The following ERBB4 variants were observed in gnomAD, a reference collection of about 807,000 sequenced individuals.
ERBB4 encodes the protein receptor tyrosine-protein kinase erbB-4.
A neutral mutation model predicts 158.0 loss-of-function variants in ERBB4; 42 were observed. That is an observed-to-expected ratio of 0.27 (90% CI 0.21 to 0.34). The LOEUF (loss-of-function observed/expected upper bound fraction) is 0.34. Among genes scored for constraint, ERBB4 ranks in the 10% least tolerant of loss-of-function variants. The pLI is 1.00. For synonymous variants in ERBB4, 583 were observed against 558.7 expected (o/e 1.04, Z -0.61); for missense variants, 1,333 against 1,624.1 (o/e 0.82, Z 3.08).
At chr2:211,640,351 G>A (rs1387087799) in intron 16 of ERBB4, among the ~76,000 whole-genome samples, 1 of 152,124 alleles carries the variant, frequency 6.6e-6, no homozygotes, top group Non-Finnish European at 1.5e-5. Flanking sequence ...TTTGAATGAA[G>A]TGAGATGGGA....
intron 20 of ERBB4, among the ~76,000 whole-genome samples, chr2:211,475,440 C>T (rs1001147967): frequency 1.3e-5 from 2 of 152,014 alleles, no homozygotes; most frequent in African/African-American, 4.8e-5. Context: ...TATTAACATA[C>T]ACCATAAGAA....
chr2:212,239,237 C>T (rs2083993528), intron 1 of ERBB4, among the ~76,000 whole-genome samples: 1 of 152,080 alleles, frequency 6.6e-6, no homozygotes, highest in Admixed American at 6.5e-5. Flanking sequence ...AAGGCAGGAT[C>T]TTGCTATGTT....
chr2:212,365,570 AATT>A (rs2089857924), intron 1 of ERBB4, among the ~76,000 whole-genome samples: 1 of 151,838 alleles, frequency 6.6e-6, no homozygotes, highest in East Asian at 1.9e-4. Context: ...TTTCAAGCCT[AATT>A]TTAATAAAAA....
intron 1 of ERBB4, among the ~76,000 whole-genome samples, chr2:212,330,336 G>A (rs147072267): frequency 2.0e-5 from 3 of 152,162 alleles, no homozygotes; most frequent in African/African-American, 7.2e-5. Flanking sequence ...AAGATTAGGG[G>A]GCTAGCCGTG....
intron 1 of ERBB4, among the ~76,000 whole-genome samples, chr2:212,529,317 G>T (rs753480283): frequency 6.6e-6 from 1 of 152,102 alleles, no homozygotes; most frequent in African/African-American, 2.4e-5. Flanking sequence ...TTTAAAAGTG[G>T]TATCCACATT....
chr2:211,606,084 G>A (rs931430619), intron 19 of ERBB4, among the ~76,000 whole-genome samples: 17 of 151,854 alleles, frequency 1.1e-4, no homozygotes, highest in Admixed American at 2.0e-4. Flanking sequence ...CACAGATGAT[G>A]GTAAATTTCT....
chr2:212,442,338 G>T (rs1287598221), intron 1 of ERBB4, among the ~76,000 whole-genome samples: 4 of 152,136 alleles, frequency 2.6e-5, no homozygotes, highest in African/African-American at 9.7e-5. Flanking sequence ...CTTGAATGAA[G>T]GGGAGGCTGG....
At chr2:211,701,363 T>C (rs1033528524) in intron 12 of ERBB4, among the ~76,000 whole-genome samples, 4 of 152,044 alleles carry the variant, frequency 2.6e-5, no homozygotes, top group Non-Finnish European at 5.9e-5. Flanking sequence ...CACAAATTGA[T>C]TGGATCCTTG....
At chr2:211,895,550 T>G (rs766122967) in intron 3 of ERBB4, among the ~76,000 whole-genome samples, 1 of 152,160 alleles carries the variant, frequency 6.6e-6, no homozygotes, top group Non-Finnish European at 1.5e-5. Context: ...ACAGCCACCA[T>G]GCCCAGCCTC....
At chr2:212,236,950 T>C (rs1193862909) in intron 1 of ERBB4, among the ~76,000 whole-genome samples, 1 of 152,126 alleles carries the variant, frequency 6.6e-6, no homozygotes. Flanking sequence ...GAAGGGTTTT[T>C]CATGTCTCTA....
intron 2 of ERBB4, among the ~76,000 whole-genome samples, chr2:212,112,478 G>A (rs184237947): frequency 1.3e-5 from 2 of 151,030 alleles, no homozygotes; most frequent in African/African-American, 4.9e-5. Flanking sequence ...TCCCTTCCTT[G>A]TACTGATTTT....
chr2:212,458,181 G>A (rs1227905039), intron 1 of ERBB4, among the ~76,000 whole-genome samples: 2 of 152,042 alleles, frequency 1.3e-5, no homozygotes, highest in African/African-American at 4.8e-5. Context: ...ACATTGGAAA[G>A]CAAATGAGTG....
intron 25 of ERBB4, among the ~76,000 whole-genome samples, chr2:211,395,889 C>CTACT (rs2062905384): frequency 6.6e-6 from 1 of 151,892 alleles, no homozygotes; most frequent in Non-Finnish European, 1.5e-5. Context: ...TTTATATCTG[C>CTACT]TACTTGATAT....
chr2:212,379,521 G>T lies in ERBB4; in HGVS notation c.82+158928C>A, dbSNP rs113912083. Reference sequence around the variant, plus strand: ...ACTACCTTTACTAATGTCTAATCAGGAATGATCACTGAATATTATCTTGAG... The same window carrying T: ...ACTACCTTTACTAATGTCTAATCAGTAATGATCACTGAATATTATCTTGAG... On this transcript the variant is annotated intron_variant, in intron 1 of 27. Coordinates refer to ENST00000342788, the MANE Select transcript of ERBB4 (RefSeq NM_005235.3). Among the ~76,000 whole-genome samples the T allele has an allele frequency of 1.2e-3, 182 of 151,630 alleles. 3 individuals carry two copies. Among genetic ancestry groups the T allele is most frequent in the African/African-American group, 4.1e-3 (169 of 41,458 alleles).
intron 2 of ERBB4, among the ~76,000 whole-genome samples, chr2:211,999,548 T>C (rs2076056462): frequency 1.3e-5 from 2 of 151,800 alleles, no homozygotes; most frequent in Admixed American, 6.6e-5. Context: ...CATTAACACA[T>C]TATTGAAAAT....
intron 1 of ERBB4, among the ~76,000 whole-genome samples, chr2:212,457,150 A>T (rs1688333816): frequency 6.6e-6 from 1 of 152,216 alleles, no homozygotes; most frequent in South Asian, 2.1e-4. Flanking sequence ...AAATGTTTGT[A>T]TAAATCATTC....
chr2:211,898,202 T>C (rs2079149268), intron 3 of ERBB4, among the ~76,000 whole-genome samples: 1 of 152,138 alleles, frequency 6.6e-6, no homozygotes, highest in African/African-American at 2.4e-5. Flanking sequence ...AGACTAAATA[T>C]GCCTATTTTA....
At chr2:211,547,358 C>T (rs945127804) in intron 20 of ERBB4, among the ~76,000 whole-genome samples, 1 of 151,966 alleles carries the variant, frequency 6.6e-6, no homozygotes, top group Non-Finnish European at 1.5e-5. Flanking sequence ...TTTCTGTTTC[C>T]AAGCAAATCA....
intron 1 of ERBB4, among the ~76,000 whole-genome samples, chr2:212,224,961 A>G (rs1559786382): frequency 6.6e-6 from 1 of 152,118 alleles, no homozygotes; most frequent in Non-Finnish European, 1.5e-5. Flanking sequence ...TATACTGTTG[A>G]ATAATAATTC....
Sources: gnomAD v4.1 joint callset for allele counts (sites outside exome capture counted in the v4.1 genomes callset) on GRCh38, gnomAD v4.1.1 for gene constraint, MANE v1.5 for transcripts, NCBI Gene and HGNC (gene_info 2026-07-23, HGNC 2026-07-21) for gene names.